The following TPPP variants were observed in gnomAD, a reference collection of about 807,000 sequenced individuals.
The protein encoded by TPPP is tubulin polymerization-promoting protein.
TPPP carries 6 observed loss-of-function variants against 15.5 expected under a neutral mutation model. That is an observed-to-expected ratio of 0.39 (90% CI 0.21 to 0.77). TPPP has a LOEUF of 0.77. TPPP is among the 30% of genes least tolerant of loss of function. The pLI is 0.42. For synonymous variants in TPPP, 146 were observed against 133.9 expected (o/e 1.09, Z -0.63); for missense variants, 269 against 307.2 (o/e 0.88, Z 0.93).
chr5:677,124 T>C (rs72707044), intron 2 of TPPP, among the ~76,000 whole-genome samples: 18,066 of 152,274 alleles, frequency 0.12, 1,388 homozygotes, highest in South Asian at 0.18. Context: ...TTCAAGGTGG[T>C]GGCCGGAGCC....
chr5:686,311 C>T (rs1238387784), intron 1 of TPPP, among the ~76,000 whole-genome samples: 1 of 152,274 alleles, frequency 6.6e-6, no homozygotes, highest in Non-Finnish European at 1.5e-5. Context: ...TCACGCGGGG[C>T]ACACCAGGTT....
intron 2 of TPPP, among the ~76,000 whole-genome samples, chr5:669,441 CAGTGCCCATTGGGCCCTGTG>C (rs923439782): frequency 5.3e-5 from 8 of 152,196 alleles, no homozygotes; most frequent in Admixed American, 4.6e-4. Flanking sequence ...CTGGAACTGA[CAGTGCCCATTGGGCCCTGTG>C]GGGGTGTTGA....
At chr5:693,815 C>G (rs1450977496), upstream of TPPP, among the ~76,000 whole-genome samples, 1 of 149,242 alleles carries the variant, frequency 6.7e-6, no homozygotes, top group East Asian at 2.0e-4. Flanking sequence ...CGAGCCCCGA[C>G]CGCGCCCAGT....
chr5:678,511 G>A (rs4079333), intron 1 of TPPP, among the ~76,000 whole-genome samples: 67,768 of 138,546 alleles, frequency 0.49, 16,449 homozygotes, highest in South Asian at 0.56. Context: ...TCGGGATCAC[G>A]CACTCCCCAG....
At chr5:700,517 A>C in the TPPP span, among the ~76,000 whole-genome samples, 1 of 151,984 alleles carries the variant, frequency 6.6e-6, no homozygotes, top group Non-Finnish European at 1.5e-5. Context: ...TGGGTACACT[A>C]AAAGCCCAGA....
At chr5:673,098 G>C (rs777248865) in intron 2 of TPPP, among the ~76,000 whole-genome samples, 3 of 152,200 alleles carry the variant, frequency 2.0e-5, no homozygotes, top group African/African-American at 7.2e-5. Flanking sequence ...AAGCTCCTGA[G>C]GGAGGCAGAG....
chr5:681,886 C>T (rs930530027), intron 1 of TPPP, among the ~76,000 whole-genome samples: 9 of 152,196 alleles, frequency 5.9e-5, no homozygotes, highest in Non-Finnish European at 1.3e-4. Flanking sequence ...GAAGCCTCCT[C>T]GCAGGCCAGG....
intron 1 of TPPP, among the ~76,000 whole-genome samples, chr5:692,150 C>T (rs115175732): frequency 0.1 from 7,197 of 69,028 alleles, 213 homozygotes; most frequent in African/African-American, 0.15. Flanking sequence ...CCCATCAAAA[C>T]AGCAGCCCCC....
chr5:692,213 A>C (rs1399018847), intron 1 of TPPP, among the ~76,000 whole-genome samples: 3 of 40,540 alleles, frequency 7.4e-5, no homozygotes, highest in African/African-American at 9.6e-5. Context: ...GCAGCCCCCC[A>C]ACCCCCTATC....
At chr5:675,899 G>C (rs1034247506) in intron 2 of TPPP, 1 of 152,242 alleles carries the variant, frequency 6.6e-6, no homozygotes, top group African/African-American at 2.4e-5. Context: ...CTGAGCCCAT[G>C]AGGACACTGA....
chr5:675,968 G>A (rs1410235126), intron 2 of TPPP: 3 of 152,192 alleles, frequency 2.0e-5, no homozygotes, highest in Admixed American at 2.0e-4. Context: ...GGTCAAGGAT[G>A]AGACCAGCTC....
At chr5:698,233 A>T (rs996230059), upstream of TPPP, among the ~76,000 whole-genome samples, 4 of 152,006 alleles carry the variant, frequency 2.6e-5, no homozygotes, top group African/African-American at 9.7e-5. Context: ...AGTTGAAAGT[A>T]TTCCTTCTAA....
intron 2 of TPPP, among the ~76,000 whole-genome samples, chr5:675,602 G>A (rs937713570): frequency 1.3e-5 from 2 of 151,396 alleles, no homozygotes; most frequent in Admixed American, 6.6e-5. Context: ...AGCATGGGGG[G>A]TACAGTGTGG....
At chr5:665,898 C>T in intron 3 of TPPP, 72 bp downstream of exon 3, 1 of 886,384 alleles carries the variant, frequency 1.1e-6, no homozygotes, top group Non-Finnish European at 1.5e-6. Flanking sequence ...ACCCCTCCCC[C>T]AGGCACCACC....
chr5:694,155 C>T (rs1740974725), upstream of TPPP, among the ~76,000 whole-genome samples: 1 of 150,500 alleles, frequency 6.6e-6, no homozygotes, highest in African/African-American at 2.4e-5. Flanking sequence ...CCGCCCCTCC[C>T]CCGCTCCCCA....
the TPPP span, among the ~76,000 whole-genome samples, chr5:698,487 T>C: frequency 6.6e-6 from 1 of 152,042 alleles, no homozygotes; most frequent in African/African-American, 2.4e-5. Flanking sequence ...TGAGGTTTCA[T>C]GGACTTACAG....
chr5:670,203 C>T (rs1410379927), intron 2 of TPPP, among the ~76,000 whole-genome samples: 5 of 152,156 alleles, frequency 3.3e-5, no homozygotes, highest in African/African-American at 9.6e-5. Context: ...CCGGGGCGGA[C>T]GTCACAGGCC....
At position 684,164 on chromosome 5, in the gene TPPP, G is replaced by A. The variant is rs557011208; in HGVS notation, c.-4-6100C>T. On this transcript the variant is annotated intron_variant, in intron 1 of 3. Coordinates refer to ENST00000360578, the MANE Select transcript of TPPP (RefSeq NM_007030.3). ...CCACGGCCACAGTTTCCACCTTGAC[G>A]CCGAAGCCCTGGGATGGCCCCTCTG... 1.0e-3 allele frequency among the ~76,000 whole-genome samples: 158 copies of A among 152,242 alleles called. 2 individuals are homozygous for A. In the South Asian group the frequency reaches 0.024, roughly 23 times the overall value.
chr5:679,154 G>A (rs1480255941), intron 1 of TPPP, among the ~76,000 whole-genome samples: 1 of 152,172 alleles, frequency 6.6e-6, no homozygotes. Context: ...AGTTCTCAGC[G>A]CCAGTCATGG....
Sources: allele counts gnomAD v4.1 joint callset (sites outside exome capture counted in the v4.1 genomes callset), GRCh38; gene constraint gnomAD v4.1.1; transcripts MANE v1.5; gene names NCBI Gene and HGNC (gene_info 2026-07-23, HGNC 2026-07-21).